Variants in MBD5 observed in about 807,000 individuals in gnomAD.
The protein encoded by MBD5 is methyl-CpG binding domain protein 5.
A neutral mutation model predicts 117.3 loss-of-function variants in MBD5; 13 were observed. The observed-to-expected ratio is 0.11, with a 90% confidence interval of 0.07 to 0.18. The LOEUF (loss-of-function observed/expected upper bound fraction) is 0.18. Ranked by LOEUF, MBD5 falls within the 10% of genes least tolerant of loss-of-function variation. The pLI is 1.00. For missense variants in MBD5, 1,879 were observed against 2,093.8 expected (o/e 0.90, Z 2.00); for synonymous variants, 727 against 766.4 (o/e 0.95, Z 0.85).
At chr2:148,075,950 A>G (rs1392381984) in intron 1 of MBD5, among the ~76,000 whole-genome samples, 1 of 152,132 alleles carries the variant, frequency 6.6e-6, no homozygotes, top group East Asian at 1.9e-4. Context: ...TGATCAAAAT[A>G]ATTAGTTTGC....
chr2:148,171,154 T>C (rs1400588413), intron 1 of MBD5, among the ~76,000 whole-genome samples: 1 of 152,200 alleles, frequency 6.6e-6, no homozygotes, highest in Non-Finnish European at 1.5e-5. Context: ...ATTACTCTGA[T>C]ACCAAAGCCA....
At chr2:148,097,134 T>C (rs1294019986) in intron 1 of MBD5, among the ~76,000 whole-genome samples, 2 of 152,186 alleles carry the variant, frequency 1.3e-5, no homozygotes, top group Non-Finnish European at 2.9e-5. Context: ...CAAAGGTATA[T>C]GTTTATGTTA....
At chr2:148,031,748 G>A (rs1694046347) in intron 1 of MBD5, among the ~76,000 whole-genome samples, 1 of 152,090 alleles carries the variant, frequency 6.6e-6, no homozygotes, top group African/African-American at 2.4e-5. Context: ...TTCTGAATAT[G>A]AGTTGGAAAT....
chr2:148,396,264 C>G (rs531586765), intron 4 of MBD5, among the ~76,000 whole-genome samples: 1 of 152,194 alleles, frequency 6.6e-6, no homozygotes, highest in Non-Finnish European at 1.5e-5. Context: ...CTTGCCCCTC[C>G]TCCTTCAGCT....
At chr2:148,078,281 A>T (rs775377410) in intron 1 of MBD5, among the ~76,000 whole-genome samples, 1 of 152,154 alleles carries the variant, frequency 6.6e-6, no homozygotes, top group Non-Finnish European at 1.5e-5. Context: ...GTCAAAAATG[A>T]CAGCCCTGGC....
chr2:148,395,485 C>T (rs901282781), intron 4 of MBD5, among the ~76,000 whole-genome samples: 2 of 141,098 alleles, frequency 1.4e-5, no homozygotes, highest in African/African-American at 2.6e-5. Context: ...AGTGCGGTGG[C>T]GCAATCTTGG....
intron 3 of MBD5, among the ~76,000 whole-genome samples, chr2:148,331,961 G>C (rs1245664778): frequency 6.6e-6 from 1 of 151,944 alleles, no homozygotes; most frequent in African/African-American, 2.4e-5. Context: ...TGTAACAGAA[G>C]ATAAAACAAA....
intron 12 of MBD5, among the ~76,000 whole-genome samples, chr2:148,507,747 A>G (rs561781826): frequency 1.1e-4 from 17 of 151,128 alleles, no homozygotes; most frequent in South Asian, 6.3e-4. Context: ...GCGACAGAGC[A>G]AGACTCCGTC....
chr2:148,369,711 CT>C (rs1210135885), intron 4 of MBD5, among the ~76,000 whole-genome samples: 1 of 151,934 alleles, frequency 6.6e-6, no homozygotes, highest in African/African-American at 2.4e-5. Context: ...ATTTCAATAG[CT>C]TTTGGTATAC....
At chr2:148,259,920 T>TAAC (rs752339244) in intron 3 of MBD5, among the ~76,000 whole-genome samples, 2 of 152,300 alleles carry the variant, frequency 1.3e-5, no homozygotes, top group African/African-American at 4.8e-5. Context: ...AGTTTATTAC[T>TAAC]AACAACAACA....
intron 4 of MBD5, among the ~76,000 whole-genome samples, chr2:148,380,658 T>C (rs1254238056): frequency 3.3e-5 from 5 of 152,104 alleles, no homozygotes; most frequent in Admixed American, 3.3e-4. Context: ...GATCTGAGAA[T>C]GGGCAGACTG....
At chr2:148,504,861 C>T (rs928054014) in intron 12 of MBD5, among the ~76,000 whole-genome samples, 1 of 152,026 alleles carries the variant, frequency 6.6e-6, no homozygotes, top group African/African-American at 2.4e-5. Context: ...TAAGCGGGAA[C>T]CAGATCATGA....
rs565979007 is a variant in MBD5, at chr2:148,438,620, A to C, written c.-556-19583A>C. ...GAGAACCAAGAGAATATGTATATAG[A>C]TATATGAGAGGAGATTTATTAGGGG... On this transcript the variant is annotated intron_variant, in intron 4 of 13. Coordinates refer to ENST00000642680, the MANE Select transcript of MBD5 (RefSeq NM_001378120.1). Among the ~76,000 whole-genome samples, 3 of 152,256 alleles carry C rather than the reference A, an allele frequency of 2.0e-5. 1 individual carries two copies. The South Asian group carries it at 6.2e-4, about 32-fold the overall frequency.
chr2:148,066,688 GC>G (rs1384123433), intron 1 of MBD5, among the ~76,000 whole-genome samples: 1 of 151,956 alleles, frequency 6.6e-6, no homozygotes, highest in Non-Finnish European at 1.5e-5. Flanking sequence ...GTGTTGCCTA[GC>G]CTGGTCTTGA....
chr2:148,069,702 A>G (rs1479920235), intron 1 of MBD5, among the ~76,000 whole-genome samples: 1 of 152,140 alleles, frequency 6.6e-6, no homozygotes, highest in African/African-American at 2.4e-5. Context: ...GAGTAAAAGC[A>G]AAGGACAAAG....
chr2:148,333,905 C>A (rs902847934), intron 3 of MBD5, among the ~76,000 whole-genome samples: 1 of 152,010 alleles, frequency 6.6e-6, no homozygotes. Flanking sequence ...TTTATTCACA[C>A]CAAAGAATGA....
chr2:148,088,316 C>T (rs1469325881), intron 1 of MBD5, among the ~76,000 whole-genome samples: 4 of 152,074 alleles, frequency 2.6e-5, no homozygotes, highest in African/African-American at 9.7e-5. Flanking sequence ...ACTTCCCTGG[C>T]CTCACTAGAG....
At chr2:148,409,730 G>T (rs1212200527) in intron 4 of MBD5, among the ~76,000 whole-genome samples, 3 of 152,092 alleles carry the variant, frequency 2.0e-5, no homozygotes, top group African/African-American at 4.8e-5. Flanking sequence ...AAGGTATTTT[G>T]TGTTAAAGGA....
At chr2:148,227,119 T>A (rs1043151281) in intron 2 of MBD5, among the ~76,000 whole-genome samples, 2 of 152,232 alleles carry the variant, frequency 1.3e-5, no homozygotes, top group African/African-American at 4.8e-5. Context: ...TTAGTTTAAT[T>A]AGATCCCATT....
Sources: gnomAD v4.1 joint callset for allele counts (sites outside exome capture counted in the v4.1 genomes callset) on GRCh38, gnomAD v4.1.1 for gene constraint, MANE v1.5 for transcripts, NCBI Gene and HGNC (gene_info 2026-07-23, HGNC 2026-07-21) for gene names.